The following SOX6 variants were observed in gnomAD, a reference collection of about 807,000 sequenced individuals.
SOX6 encodes transcription factor SOX-6.
A neutral mutation model predicts 97.8 loss-of-function variants in SOX6; 11 were observed. The observed-to-expected ratio is 0.11, with a 90% CI of 0.07 to 0.19. SOX6 has a LOEUF of 0.19. Among genes scored for constraint, SOX6 ranks in the 10% least tolerant of loss-of-function variants. The pLI, the probability that SOX6 is intolerant of heterozygous loss-of-function variation, is 1.00. For missense variants in SOX6, 810 were observed against 1,039.5 expected, an observed-to-expected ratio of 0.78 and a Z score of 3.04; for synonymous variants, 360 against 371.4, an observed-to-expected ratio of 0.97 and a Z score of 0.35.
intron 1 of SOX6, among the ~76,000 whole-genome samples, chr11:16,443,012 A>C (rs1438822038): frequency 6.6e-6 from 1 of 152,138 alleles, no homozygotes; most frequent in African/African-American, 2.4e-5. Flanking sequence ...CACATGCAGC[A>C]ATCATACTGA....
chr11:16,285,127 T>C (rs894325921), intron 3 of SOX6, among the ~76,000 whole-genome samples: 1 of 152,124 alleles, frequency 6.6e-6, no homozygotes, highest in African/African-American at 2.4e-5. Context: ...TTTTCTTTCA[T>C]TAAATATAAA....
chr11:16,444,540 TG>T (rs1859576152), intron 1 of SOX6, among the ~76,000 whole-genome samples: 1 of 152,236 alleles, frequency 6.6e-6, no homozygotes. Flanking sequence ...CATAAGAATC[TG>T]TGGCAATTTT....
intron 1 of SOX6, among the ~76,000 whole-genome samples, chr11:16,384,377 G>T (rs1857915803): frequency 6.6e-6 from 1 of 151,604 alleles, no homozygotes; most frequent in African/African-American, 2.4e-5. Flanking sequence ...CATCCTAGAA[G>T]AATAAAGGTA....
intron 1 of SOX6, among the ~76,000 whole-genome samples, chr11:16,426,905 C>A (rs1859150929): frequency 9.6e-6 from 1 of 104,334 alleles, no homozygotes. Flanking sequence ...CAGAGCGAGA[C>A]TCCGTCTCAA....
chr11:16,480,705 G>C (rs1384015616), upstream of SOX6, among the ~76,000 whole-genome samples: 7 of 151,626 alleles, frequency 4.6e-5, no homozygotes, highest in Admixed American at 3.9e-4. Flanking sequence ...TATCAAATGG[G>C]TGGTTGGATT....
At chr11:16,098,208 C>G (rs748941039) in intron 7 of SOX6, among the ~76,000 whole-genome samples, 5 of 151,756 alleles carry the variant, frequency 3.3e-5, no homozygotes, top group African/African-American at 9.7e-5. Context: ...GAGAGGACAG[C>G]TAATCTTATC....
intron 9 of SOX6, 65 bp downstream of exon 9, chr11:16,095,931 A>AT: frequency 6.6e-7 from 1 of 1,505,280 alleles, no homozygotes; most frequent in Non-Finnish European, 9.0e-7. Context: ...AAAAAAAAAA[A>AT]GCCTAGAGTA....
intron 3 of SOX6, among the ~76,000 whole-genome samples, chr11:16,643,217 T>C (rs1353155862): frequency 6.6e-6 from 1 of 152,220 alleles, no homozygotes; most frequent in Non-Finnish European, 1.5e-5. Flanking sequence ...CAGCGGAGGC[T>C]GCAGAACAGC....
At chr11:16,597,425 A>C (rs775151159) in intron 4 of SOX6, among the ~76,000 whole-genome samples, 18 of 151,752 alleles carry the variant, frequency 1.2e-4, no homozygotes, top group Non-Finnish European at 2.5e-4. Flanking sequence ...CACCATCCCC[A>C]TTTTTAAAAT....
At chr11:16,141,399 C>A (rs1850136547) in intron 6 of SOX6, among the ~76,000 whole-genome samples, 1 of 152,046 alleles carries the variant, frequency 6.6e-6, no homozygotes, top group South Asian at 2.1e-4. Context: ...CCAAGATGGC[C>A]AAATAGGAAC....
intron 9 of SOX6, among the ~76,000 whole-genome samples, chr11:16,061,557 T>C (rs949025187): frequency 6.6e-6 from 1 of 151,776 alleles, no homozygotes; most frequent in Admixed American, 6.6e-5. Context: ...AAAATTCATA[T>C]GCAACCAAAA....
chr11:16,223,010 C>T (rs1359686869), intron 4 of SOX6, among the ~76,000 whole-genome samples: 1 of 152,114 alleles, frequency 6.6e-6, no homozygotes, highest in Non-Finnish European at 1.5e-5. Flanking sequence ...CAGCCCCACC[C>T]TAAACCATTC....
At chr11:16,264,233 A>T (rs1214500501) in intron 3 of SOX6, among the ~76,000 whole-genome samples, 2 of 151,966 alleles carry the variant, frequency 1.3e-5, no homozygotes, top group Non-Finnish European at 2.9e-5. Context: ...TCTCTAGATA[A>T]CCAGTCTCAA....
intron 4 of SOX6, among the ~76,000 whole-genome samples, chr11:16,593,148 C>T (rs1848173582): frequency 6.6e-6 from 1 of 151,928 alleles, no homozygotes; most frequent in Non-Finnish European, 1.5e-5. Flanking sequence ...GAAAAAAAAT[C>T]ATTTGAACAC....
chr11:16,033,387 T>C (rs111372014), intron 12 of SOX6, among the ~76,000 whole-genome samples: 1,614 of 152,290 alleles, frequency 0.011, 28 homozygotes, highest in African/African-American at 0.037. Context: ...ACACATGTTG[T>C]TGATCATTAA....
At chr11:16,486,187 C>A (rs972464970) in intron 4 of SOX6, among the ~76,000 whole-genome samples, 1 of 151,878 alleles carries the variant, frequency 6.6e-6, no homozygotes, top group Non-Finnish European at 1.5e-5. Context: ...TGTATTTTGA[C>A]GTCTTCACTA....
intron 1 of SOX6, among the ~76,000 whole-genome samples, chr11:16,437,284 A>T (rs1251148840): frequency 2.5e-4 from 37 of 147,834 alleles, no homozygotes; most frequent in Admixed American, 2.5e-3. Context: ...TTTTTTTTTA[A>T]AAAAAAGGTA....
At chr11:16,703,481 A>C (rs1326511733) in intron 3 of SOX6, among the ~76,000 whole-genome samples, 2 of 152,138 alleles carry the variant, frequency 1.3e-5, no homozygotes, top group African/African-American at 4.8e-5. Flanking sequence ...ATTTTTTTTA[A>C]ATACAAAGAC....
At chr11:16,363,796 TA>T (rs958167101) in intron 1 of SOX6, among the ~76,000 whole-genome samples, 22 of 133,134 alleles carry the variant, frequency 1.7e-4, no homozygotes, top group African/African-American at 5.3e-4. Flanking sequence ...TGAATGAGCT[TA>T]AAGATAAAAA....
Sources: allele counts gnomAD v4.1 joint callset (sites outside exome capture counted in the v4.1 genomes callset), GRCh38; gene constraint gnomAD v4.1.1; transcripts MANE v1.5; gene names NCBI Gene and HGNC (gene_info 2026-07-23, HGNC 2026-07-21).